Variants in MYO1E observed in about 807,000 individuals in gnomAD.
The protein encoded by MYO1E is myosin IE.
In MYO1E, 68 loss-of-function variants were observed where a neutral mutation model predicts 151.1. The observed-to-expected ratio is 0.45, with a 90% CI of 0.37 to 0.55. The LOEUF is 0.55. Ranked by LOEUF, MYO1E falls within the 20% of genes least tolerant of loss-of-function variation. MYO1E has a pLI of 0.00. For missense variants in MYO1E, 1,363 were observed against 1,389.3 expected (o/e 0.98, Z 0.30); for synonymous variants, 601 against 501.7 (o/e 1.20, Z -2.64).
At chr15:59,224,651 G>T in intron 8 of MYO1E, 38 bp downstream of exon 8, 1 of 1,613,808 alleles carries the variant, frequency 6.2e-7, no homozygotes, top group Non-Finnish European at 8.5e-7. Context: ...TGGCCAGTTG[G>T]GAGAGCAGAT....
chr15:59,155,033 AATGGGCTCCCACAG>A (rs2079501999), intron 25 of MYO1E, among the ~76,000 whole-genome samples: 2 of 152,130 alleles, frequency 1.3e-5, no homozygotes. Flanking sequence ...GTGAGAGCTG[AATGGGCTCCCACAG>A]GGTCTGGGGA....
At chr15:59,171,030 A>G (rs2079590124) in intron 22 of MYO1E, among the ~76,000 whole-genome samples, 1 of 152,224 alleles carries the variant, frequency 6.6e-6, no homozygotes, top group African/African-American at 2.4e-5. Context: ...TCAGAGGCCC[A>G]GGGACACGAT....
intron 1 of MYO1E, among the ~76,000 whole-genome samples, chr15:59,276,108 C>T (rs1481575215): frequency 2.0e-5 from 3 of 152,150 alleles, no homozygotes; most frequent in East Asian, 1.9e-4. Flanking sequence ...ACTAACCCTT[C>T]GCACCCGTTT....
chr15:59,199,112 T>C (rs974651770), intron 16 of MYO1E, among the ~76,000 whole-genome samples: 17 of 152,198 alleles, frequency 1.1e-4, no homozygotes, highest in Non-Finnish European at 7.3e-5. Flanking sequence ...ACTTTATTTT[T>C]TGAGATGGAG....
intron 1 of MYO1E, among the ~76,000 whole-genome samples, chr15:59,302,363 A>C (rs1425581221): frequency 2.0e-5 from 3 of 152,220 alleles, no homozygotes; most frequent in Non-Finnish European, 4.4e-5. Flanking sequence ...CTGCAAAAGA[A>C]TGCTGACAAG....
intron 1 of MYO1E, among the ~76,000 whole-genome samples, chr15:59,290,010 T>G (rs1354682820): frequency 6.6e-6 from 1 of 152,246 alleles, no homozygotes; most frequent in Admixed American, 6.5e-5. Context: ...TCACTTTTCT[T>G]GAGCACCAAC....
intron 1 of MYO1E, among the ~76,000 whole-genome samples, chr15:59,272,816 T>G (rs1414849620): frequency 6.6e-6 from 1 of 152,252 alleles, no homozygotes; most frequent in Non-Finnish European, 1.5e-5. Context: ...GTTGACAGTC[T>G]CGGATGAGAC....
chr15:59,250,255 C>A (rs942013027), intron 4 of MYO1E, among the ~76,000 whole-genome samples: 2 of 152,132 alleles, frequency 1.3e-5, no homozygotes, highest in African/African-American at 4.8e-5. Context: ...TTGGGACATA[C>A]CATCGCAATT....
chr15:59,234,816 C>T (rs1376836810), intron 5 of MYO1E, among the ~76,000 whole-genome samples: 8 of 96,906 alleles, frequency 8.3e-5, no homozygotes, highest in African/African-American at 2.5e-4. Context: ...GAGTGAGACC[C>T]CATCTCAAAA....
At chr15:59,257,578 A>G (rs1265771367) in intron 3 of MYO1E, among the ~76,000 whole-genome samples, 1 of 152,202 alleles carries the variant, frequency 6.6e-6, no homozygotes, top group Admixed American at 6.5e-5. Context: ...GCAGTGACTT[A>G]CTGTAGAAAA....
chr15:59,282,482 T>C (rs2080358430), intron 1 of MYO1E, among the ~76,000 whole-genome samples: 1 of 151,946 alleles, frequency 6.6e-6, no homozygotes, highest in Non-Finnish European at 1.5e-5. Context: ...ACCAAAACGG[T>C]TCTGTCCTCT....
intron 25 of MYO1E, among the ~76,000 whole-genome samples, chr15:59,154,036 CATGTACAA>C (rs1158728787): frequency 6.6e-6 from 1 of 152,212 alleles, no homozygotes; most frequent in African/African-American, 2.4e-5. Flanking sequence ...ATGTATTTAA[CATGTACAA>C]CAATGCATGG....
intron 1 of MYO1E, among the ~76,000 whole-genome samples, chr15:59,290,946 C>A (rs1339815637): frequency 3.3e-5 from 5 of 152,142 alleles, no homozygotes; most frequent in African/African-American, 1.2e-4. Context: ...TGGAGACCAA[C>A]TGATACCCAC....
At chr15:59,299,725 A>C (rs1458298227) in intron 1 of MYO1E, among the ~76,000 whole-genome samples, 7 of 152,246 alleles carry the variant, frequency 4.6e-5, no homozygotes, top group Admixed American at 2.6e-4. Context: ...CACACAAATC[A>C]TTGATCTTTC....
At chr15:59,208,598 C>T in intron 14 of MYO1E, 83 bp downstream of exon 14, 4 of 1,499,762 alleles carry the variant, frequency 2.7e-6, no homozygotes, top group Non-Finnish European at 2.8e-6. Context: ...ATACGGCGAG[C>T]CATATGATTT....
chr15:59,165,450 C>T (rs765559974), intron 22 of MYO1E, among the ~76,000 whole-genome samples: 1 of 152,286 alleles, frequency 6.6e-6, no homozygotes, highest in Non-Finnish European at 1.5e-5. Context: ...ATTATCATTA[C>T]CTCAGATGTT....
intron 1 of MYO1E, among the ~76,000 whole-genome samples, chr15:59,304,669 C>T (rs1052489999): frequency 3.9e-5 from 6 of 152,146 alleles, no homozygotes; most frequent in African/African-American, 1.4e-4. Flanking sequence ...CATCCTTAGC[C>T]CGTGATCTGG....
At chr15:59,273,162 G>A (rs1310767836) in intron 1 of MYO1E, among the ~76,000 whole-genome samples, 2 of 152,166 alleles carry the variant, frequency 1.3e-5, no homozygotes, top group Admixed American at 6.5e-5. Context: ...CCTCATCCCC[G>A]CATGGCCCCC....
chr15:59,336,588 C>CT (rs1327126291), intron 1 of MYO1E, among the ~76,000 whole-genome samples: 9 of 151,886 alleles, frequency 5.9e-5, no homozygotes, highest in Non-Finnish European at 4.4e-5. Flanking sequence ...CACCCCTGGT[C>CT]TTTTTTTGTT....
Sources: gnomAD v4.1 joint callset for allele counts (sites outside exome capture counted in the v4.1 genomes callset) on GRCh38, gnomAD v4.1.1 for gene constraint, MANE v1.5 for transcripts, NCBI Gene and HGNC (gene_info 2026-07-23, HGNC 2026-07-21) for gene names.